The following SRD5A3 variants were observed in gnomAD, a reference collection of about 807,000 sequenced individuals.
SRD5A3 encodes the protein polyprenal reductase.
Under a neutral mutation model 34.3 loss-of-function variants are expected in SRD5A3, and 24 were observed. The observed-to-expected ratio is 0.70, with a 90% CI of 0.51 to 0.99. The LOEUF is 0.99. SRD5A3 is among the 50% of genes least tolerant of loss of function. The probability of loss-of-function intolerance (pLI) is 0.00; values close to 1 mark genes in which losing one functional copy is unlikely to be tolerated. For synonymous variants in SRD5A3, 161 were observed against 167.3 expected, an observed-to-expected ratio of 0.96 and a Z score of 0.29; for missense variants, 350 against 388.2, an observed-to-expected ratio of 0.90 and a Z score of 0.83.
rs374699094 is a variant in SRD5A3, at chr4:55,370,472, CAAAG to C, written c.*382_*385del. On this transcript the variant is annotated 3_prime_UTR_variant, in exon 5 of 5. Transcript: ENST00000264228. ...ACACACACACACACACACACACACA[CAAAG>C]GAAGATCATCAATGGCTGCGGTAGC... The C allele has an allele frequency of 3.9e-6, 1 of 254,248 alleles. No individual in the cohort carries two copies. 15.7% of individuals were successfully genotyped at this position (254,248 alleles called of 1,614,324 possible). A position where few individuals can be genotyped will look rare whatever the true frequency, so the allele number is the denominator to read the frequency against.
chr4:55,369,128 C>T (rs994643747), intron 4 of SRD5A3, among the ~76,000 whole-genome samples: 1 of 152,184 alleles, frequency 6.6e-6, no homozygotes, highest in Non-Finnish European at 1.5e-5. Context: ...ACAATGCCGA[C>T]ATGAGATGAC....
intron 3 of SRD5A3, 57 bp downstream of exon 3, chr4:55,364,328 C>T (rs773876066): frequency 2.3e-4 from 364 of 1,573,816 alleles, no homozygotes; most frequent in Non-Finnish European, 3.0e-4. Flanking sequence ...GATGCGCTCT[C>T]GGGGCTTGTG....
chr4:55,357,051 T>TC (rs911236751), intron 1 of SRD5A3, among the ~76,000 whole-genome samples: 2 of 152,204 alleles, frequency 1.3e-5, no homozygotes, highest in Middle Eastern at 3.2e-3. Flanking sequence ...AGAAAGTTCT[T>TC]CCCCTAGAAA....
chr4:55,359,621 G>A, intron 2 of SRD5A3, 133 bp downstream of exon 2: 3 of 1,168,684 alleles, frequency 2.6e-6, no homozygotes, highest in South Asian at 1.4e-5. Flanking sequence ...GAGGATGAGG[G>A]CAAAAAAGAG....
At chr4:55,356,498 G>C (rs933960776) in intron 1 of SRD5A3, among the ~76,000 whole-genome samples, 1 of 151,796 alleles carries the variant, frequency 6.6e-6, no homozygotes, top group African/African-American at 2.4e-5. Flanking sequence ...TTGTTTGTTT[G>C]TTTTGAGACA....
At chr4:55,363,983 G>A (rs1157829846) in intron 2 of SRD5A3, 91 bp from the exon 3 acceptor site, 1 of 1,295,082 alleles carries the variant, frequency 7.7e-7, no homozygotes, top group East Asian at 2.3e-5. Flanking sequence ...TGTTAGATGG[G>A]ATTTAATACT....
At chr4:55,354,332 A>G (rs1719343351) in intron 1 of SRD5A3, among the ~76,000 whole-genome samples, 1 of 152,144 alleles carries the variant, frequency 6.6e-6, no homozygotes, top group Non-Finnish European at 1.5e-5. Context: ...TCCTGACCTC[A>G]GGTGATCTGC....
intron 1 of SRD5A3, among the ~76,000 whole-genome samples, chr4:55,355,259 C>G (rs1460528717): frequency 6.6e-6 from 1 of 152,036 alleles, no homozygotes; most frequent in Non-Finnish European, 1.5e-5. Context: ...GAGATCGAGA[C>G]CATCCTGGCT....
intron 1 of SRD5A3, among the ~76,000 whole-genome samples, chr4:55,353,537 GT>G (rs1719286262): frequency 6.6e-6 from 1 of 152,214 alleles, no homozygotes; most frequent in Non-Finnish European, 1.5e-5. Flanking sequence ...GTCACTGGGG[GT>G]CCCCTTCTAC....
chr4:55,362,575 C>T (rs1375330612), intron 2 of SRD5A3, among the ~76,000 whole-genome samples: 3 of 151,978 alleles, frequency 2.0e-5, no homozygotes, highest in African/African-American at 7.2e-5. Context: ...CCTCCTCCAC[C>T]TCTTGAGTAG....
chr4:55,350,094 G>A (rs1719131169), intron 1 of SRD5A3, among the ~76,000 whole-genome samples: 1 of 152,132 alleles, frequency 6.6e-6, no homozygotes, highest in African/African-American at 2.4e-5. Flanking sequence ...TACAGGCTGG[G>A]TGCAGTGGCT....
chr4:55,369,714 G>C, intron 4 of SRD5A3, 118 bp from the exon 5 acceptor site: 1 of 1,237,978 alleles, frequency 8.1e-7, no homozygotes, highest in Non-Finnish European at 1.1e-6. Context: ...CTGGACAACA[G>C]AGCAAGACTT....
At chr4:55,356,636 ATTTCT>A (rs979782359) in intron 1 of SRD5A3, among the ~76,000 whole-genome samples, 5 of 151,418 alleles carry the variant, frequency 3.3e-5, no homozygotes, top group African/African-American at 9.7e-5. Context: ...TAATTTTTTT[ATTTCT>A]TTTCTTTTCT....
intron 2 of SRD5A3, among the ~76,000 whole-genome samples, chr4:55,360,113 G>C (rs547238901): frequency 2.0e-5 from 3 of 152,088 alleles, no homozygotes; most frequent in Non-Finnish European, 4.4e-5. Flanking sequence ...TACTCGGGAG[G>C]CTGAGGCAGG....
intron 1 of SRD5A3, among the ~76,000 whole-genome samples, chr4:55,357,341 G>C (rs577711084): frequency 4.6e-5 from 7 of 152,196 alleles, no homozygotes; most frequent in African/African-American, 1.7e-4. Context: ...AATTAAGTAC[G>C]TAAAGTGGCT....
At position 55,355,786 on chromosome 4, in the gene SRD5A3, C is replaced by T. The variant is rs186001298; in HGVS notation, c.222-3560C>T. Among the ~76,000 whole-genome samples the T allele has an allele frequency of 3.3e-5, 5 of 152,242 alleles. No individual in the cohort carries two copies. The East Asian group carries it at 9.6e-4, about 29-fold the overall frequency. ...TGACATTGAATAAGTAACTTAACCT[C>T]TCTGAGTCTTGGGTTTCTCATCTGC... is the stretch of plus-strand genomic sequence containing the variant. On this transcript the variant is annotated intron_variant, in intron 1 of 4. Coordinates refer to ENST00000264228, the MANE Select transcript of SRD5A3 (RefSeq NM_024592.5).
At chr4:55,358,555 AAAG>A (rs1553881763) in intron 1 of SRD5A3, among the ~76,000 whole-genome samples, 5 of 110,174 alleles carry the variant, frequency 4.5e-5, no homozygotes, top group Non-Finnish European at 5.5e-5. Context: ...AAAAAAAAAA[AAAG>A]AAGAAGAAGA....
chr4:55,363,322 C>T (rs1000977918), intron 2 of SRD5A3, among the ~76,000 whole-genome samples: 4 of 152,014 alleles, frequency 2.6e-5, no homozygotes, highest in African/African-American at 9.7e-5. Context: ...ATAGTTCTAG[C>T]CACTCAGGAA....
In SRD5A3 at chr4:55,359,186, G is replaced by A. The variant is rs11133375; in HGVS notation, c.222-160G>A. The A allele has an allele frequency of 0.5, 492,236 of 980,818 alleles. 129,441 individuals are homozygous for A. Among genetic ancestry groups the A allele is most frequent in the East Asian group, 0.84 (34,112 of 40,716 alleles). The allele number at this position is 980,818 out of a possible 1,614,324, so 60.8% of individuals were successfully genotyped here. A position where few individuals can be genotyped will look rare whatever the true frequency, so the allele number is the denominator to read the frequency against. ...CCCGTTATTTGAAAGGAAATTTTAA[G>A]AACCTGAACACCTATAGGATTCAGA... On this transcript the variant is annotated intron_variant, in intron 1 of 4. Coordinates refer to ENST00000264228, the MANE Select transcript of SRD5A3 (RefSeq NM_024592.5).
Sources: gnomAD v4.1 joint callset for allele counts (sites outside exome capture counted in the v4.1 genomes callset) on GRCh38, gnomAD v4.1.1 for gene constraint, MANE v1.5 for transcripts, NCBI Gene and HGNC (gene_info 2026-07-23, HGNC 2026-07-21) for gene names.